The following PCDH15 variants were observed in gnomAD, a reference collection of about 807,000 sequenced individuals.
The protein encoded by PCDH15 is protocadherin related 15, also known as protocadherin-15.
In PCDH15, 129 loss-of-function variants were observed where a neutral mutation model predicts 178.5. The observed-to-expected ratio is 0.72, with a 90% CI of 0.63 to 0.84. PCDH15 has a LOEUF of 0.84. Among genes scored for constraint, PCDH15 ranks in the 40% least tolerant of loss-of-function variants. The pLI is 0.00. For missense variants in PCDH15, 2,230 were observed against 2,099.9 expected, an observed-to-expected ratio of 1.06 and a Z score of -1.21; for synonymous variants, 800 against 732.0, an observed-to-expected ratio of 1.09 and a Z score of -1.50.
Position 54,520,821 on chromosome 10 carries a change from C to T in PCDH15, c.157+6991G>A, listed in dbSNP as rs2082772867. ...AAAGACTTGGAACCAACCCAAATGT[C>T]CAACAATGATAGACTGGATTAAGAA... On this transcript the variant is annotated intron_variant, in intron 3 of 37. Coordinates refer to ENST00000644397, the MANE Select transcript of PCDH15 (RefSeq NM_001384140.1). Among the ~76,000 whole-genome samples the T allele has an allele frequency of 2.7e-5, 4 of 150,604 alleles. No homozygotes were observed. In the South Asian group the frequency reaches 8.4e-4, roughly 32 times the overall value.
At chr10:54,252,470 G>A (rs2056565297) in intron 8 of PCDH15, among the ~76,000 whole-genome samples, 1 of 152,026 alleles carries the variant, frequency 6.6e-6, no homozygotes, top group Non-Finnish European at 1.5e-5. Context: ...GAATAATATT[G>A]ATTATCCTCA....
chr10:54,135,219 T>G (rs985608186), intron 14 of PCDH15, among the ~76,000 whole-genome samples: 1 of 101,926 alleles, frequency 9.8e-6, no homozygotes, highest in Admixed American at 1.1e-4. Context: ...AAAAAAAAAT[T>G]TCATGCTTAC....
chr10:54,116,159 T>A (rs2095108796), intron 15 of PCDH15, among the ~76,000 whole-genome samples: 1 of 150,190 alleles, frequency 6.7e-6, no homozygotes, highest in South Asian at 2.1e-4. Context: ...AAGAAGAAAC[T>A]ATCAATTCTG....
chr10:54,652,780 T>C (rs902700912), intron 2 of PCDH15, among the ~76,000 whole-genome samples: 2 of 152,116 alleles, frequency 1.3e-5, no homozygotes, highest in African/African-American at 4.8e-5. Context: ...TCTTGGATAA[T>C]TCCAGTCTCC....
At chr10:54,039,023 C>T (rs1205484699) in intron 18 of PCDH15, among the ~76,000 whole-genome samples, 3 of 151,844 alleles carry the variant, frequency 2.0e-5, no homozygotes, top group Non-Finnish European at 4.4e-5. Context: ...AATTTGTTTC[C>T]CAAGTAGAAA....
intron 1 of PCDH15, among the ~76,000 whole-genome samples, chr10:55,167,972 A>T (rs1333554057): frequency 6.6e-6 from 1 of 152,154 alleles, no homozygotes; most frequent in Non-Finnish European, 1.5e-5. Context: ...ATATATAAAG[A>T]TCTCTACATA....
intron 2 of PCDH15, among the ~76,000 whole-genome samples, chr10:54,584,031 A>C (rs1049124739): frequency 2.6e-5 from 4 of 152,118 alleles, no homozygotes; most frequent in Admixed American, 2.0e-4. Flanking sequence ...CATGCTTCAG[A>C]ATGGAAAGAA....
At chr10:54,272,315 G>T (rs1227333371) in intron 8 of PCDH15, among the ~76,000 whole-genome samples, 1 of 151,700 alleles carries the variant, frequency 6.6e-6, no homozygotes, top group Non-Finnish European at 1.5e-5. Flanking sequence ...TTGATTAATT[G>T]TACAGCTATC....
Position 53,840,444 on chromosome 10 carries a change from C to T in PCDH15, c.3859G>A (p.Glu1287Lys). The change falls in exon 29 of 38, where the codon GAG becomes AAG. Residue 1287 changes from glutamate (E) to lysine (K), a missense_variant. Coordinates refer to ENST00000644397, the MANE Select transcript of PCDH15 (RefSeq NM_001384140.1). The part of the protein sequence containing the change: ...EQIPGAKVVV[E>K]SIGARRHGDA... ...CCATGCCGGCGAGCTCCAATGGACTCCACTACGACCTTGGCACCAGGAATT... is the reference window on the plus strand; with the variant it reads ...CCATGCCGGCGAGCTCCAATGGACTTCACTACGACCTTGGCACCAGGAATT... 1 of 1,614,058 alleles carries T rather than the reference C, an allele frequency of 6.2e-7. No individual in the cohort carries two copies. Among genetic ancestry groups the T allele is most frequent in the African/African-American group, 1.3e-5 (1 of 75,010 alleles).
chr10:53,879,397 AG>A (rs2080524983), intron 26 of PCDH15, among the ~76,000 whole-genome samples: 1 of 152,212 alleles, frequency 6.6e-6, no homozygotes. Context: ...GATGCTTATA[AG>A]GAGGGTGGGA....
intron 3 of PCDH15, among the ~76,000 whole-genome samples, chr10:54,447,129 C>A (rs866402833): frequency 1.3e-5 from 2 of 151,580 alleles, no homozygotes; most frequent in African/African-American, 2.4e-5. Flanking sequence ...TTTTATCTAT[C>A]TCTAAGCGTT....
At chr10:55,581,327 T>A (rs1842609607) in intron 2 of PCDH15, among the ~76,000 whole-genome samples, 1 of 151,954 alleles carries the variant, frequency 6.6e-6, no homozygotes, top group South Asian at 2.1e-4. Context: ...AATGCTAATA[T>A]TCAGAAAAAT....
intron 2 of PCDH15, among the ~76,000 whole-genome samples, chr10:55,598,748 A>C (rs1478808131): frequency 6.6e-6 from 1 of 151,826 alleles, no homozygotes; most frequent in Non-Finnish European, 1.5e-5. Flanking sequence ...GCAAGCACAC[A>C]AGCCCGTCAC....
At chr10:55,430,088 T>C (rs893706800) in intron 2 of PCDH15, among the ~76,000 whole-genome samples, 2 of 152,064 alleles carry the variant, frequency 1.3e-5, no homozygotes, top group African/African-American at 2.4e-5. Flanking sequence ...AATAAGTAGA[T>C]AGAAAAGCCT....
At chr10:54,986,592 T>C (rs1839370996) in intron 2 of PCDH15, among the ~76,000 whole-genome samples, 1 of 152,136 alleles carries the variant, frequency 6.6e-6, no homozygotes, top group South Asian at 2.1e-4. Flanking sequence ...GCTATGATTA[T>C]CTCCATTATA....
intron 28 of PCDH15, among the ~76,000 whole-genome samples, chr10:53,854,627 C>A (rs1232012927): frequency 6.6e-6 from 1 of 152,050 alleles, no homozygotes; most frequent in South Asian, 2.1e-4. Flanking sequence ...AATCTGCATT[C>A]CATTACCAAA....
intron 25 of PCDH15, among the ~76,000 whole-genome samples, chr10:53,932,662 CT>C (rs2085174877): frequency 6.6e-6 from 1 of 152,148 alleles, no homozygotes; most frequent in Admixed American, 6.5e-5. Flanking sequence ...TACAAAGTCA[CT>C]TCTAAATTTT....
intron 3 of PCDH15, among the ~76,000 whole-genome samples, chr10:54,422,037 C>A (rs915039090): frequency 4.0e-5 from 6 of 149,482 alleles, no homozygotes; most frequent in African/African-American, 1.5e-4. Context: ...ATACCTGTGG[C>A]AGAACAATGC....
intron 2 of PCDH15, among the ~76,000 whole-genome samples, chr10:55,602,463 A>G (rs913712197): frequency 4.0e-4 from 61 of 152,158 alleles, no homozygotes; most frequent in Non-Finnish European, 7.4e-4. Flanking sequence ...AGACAGCAGT[A>G]ACCTCTGCAG....
Sources: allele counts gnomAD v4.1 joint callset (sites outside exome capture counted in the v4.1 genomes callset), GRCh38; gene constraint gnomAD v4.1.1; transcripts MANE v1.5; gene names NCBI Gene and HGNC (gene_info 2026-07-23, HGNC 2026-07-21).